The following FRMD4A variants were observed in gnomAD, a reference collection of about 807,000 sequenced individuals.
FRMD4A encodes FERM domain containing 4A, also known as FERM domain-containing protein 4A.
In FRMD4A, 29 loss-of-function variants were observed where a neutral mutation model predicts 129.1. That is an observed-to-expected ratio of 0.22 (90% CI 0.17 to 0.31). The LOEUF (loss-of-function observed/expected upper bound fraction) is 0.31. Ranked by LOEUF, FRMD4A falls within the 10% of genes least tolerant of loss-of-function variation. FRMD4A has a pLI of 1.00. For missense variants in FRMD4A, 1,272 were observed against 1,375.8 expected, an observed-to-expected ratio of 0.92 and a Z score of 1.19; for synonymous variants, 634 against 571.6, an observed-to-expected ratio of 1.11 and a Z score of -1.56.
chr10:14,035,929 C>A (rs938872075), intron 2 of FRMD4A, among the ~76,000 whole-genome samples: 1 of 151,820 alleles, frequency 6.6e-6, no homozygotes, highest in African/African-American at 2.4e-5. Context: ...GTAATCCCAG[C>A]TACTTGGGAG....
intron 2 of FRMD4A, among the ~76,000 whole-genome samples, chr10:13,887,344 A>G (rs749877434): frequency 1.3e-5 from 2 of 152,186 alleles, no homozygotes; most frequent in Non-Finnish European, 2.9e-5. Flanking sequence ...AAGATGAACA[A>G]TGTTTCTCTT....
chr10:13,701,555 A>G (rs2086832128), intron 13 of FRMD4A, 77 bp from the exon 14 acceptor site: 27 of 1,403,548 alleles, frequency 1.9e-5, no homozygotes, highest in Non-Finnish European at 2.7e-5. Context: ...GCTTCTGTAG[A>G]GAACCCACTG....
chr10:13,881,776 C>T (rs969607214), intron 2 of FRMD4A, among the ~76,000 whole-genome samples: 12 of 151,734 alleles, frequency 7.9e-5, no homozygotes, highest in South Asian at 2.1e-4. Flanking sequence ...GATCGAACTG[C>T]GACTGCCTTC....
At chr10:14,258,657 T>C (rs563952035) in intron 2 of FRMD4A, among the ~76,000 whole-genome samples, 3 of 152,292 alleles carry the variant, frequency 2.0e-5, no homozygotes, top group Admixed American at 1.3e-4. Context: ...ACCCAATCAT[T>C]TTATACCTAG....
intron 2 of FRMD4A, among the ~76,000 whole-genome samples, chr10:14,262,988 A>C (rs1844856005): frequency 6.6e-6 from 1 of 152,246 alleles, no homozygotes; most frequent in Non-Finnish European, 1.5e-5. Context: ...TCTGTCTGTC[A>C]GTGCAGGCGA....
At chr10:14,155,457 G>C (rs1007554060) in intron 2 of FRMD4A, among the ~76,000 whole-genome samples, 3 of 152,266 alleles carry the variant, frequency 2.0e-5, no homozygotes, top group Non-Finnish European at 2.9e-5. Context: ...TCAAAAGAAA[G>C]GAATTAAAAC....
At chr10:13,864,157 C>A (rs959672977) in intron 2 of FRMD4A, among the ~76,000 whole-genome samples, 1 of 151,290 alleles carries the variant, frequency 6.6e-6, no homozygotes, top group Non-Finnish European at 1.5e-5. Flanking sequence ...CAACACGCTC[C>A]TGTAATTTTT....
At chr10:13,674,185 G>A (rs7086054) in intron 16 of FRMD4A, among the ~76,000 whole-genome samples, 16,411 of 152,196 alleles carry the variant, frequency 0.11, 1,890 homozygotes, top group African/African-American at 0.29. Flanking sequence ...TGGTTTCCTT[G>A]TTGACCACCA....
chr10:13,896,845 C>T (rs2094764264), intron 2 of FRMD4A, among the ~76,000 whole-genome samples: 1 of 152,186 alleles, frequency 6.6e-6, no homozygotes, highest in African/African-American at 2.4e-5. Context: ...CCAGTCAAAA[C>T]TCCACAATGG....
At chr10:13,885,344 C>T (rs1365413999) in intron 2 of FRMD4A, among the ~76,000 whole-genome samples, 3 of 152,176 alleles carry the variant, frequency 2.0e-5, no homozygotes, top group Non-Finnish European at 4.4e-5. Context: ...GTAATTCACC[C>T]AAGGCCACAT....
chr10:14,084,613 G>C (rs1397048147), intron 2 of FRMD4A, among the ~76,000 whole-genome samples: 1 of 152,146 alleles, frequency 6.6e-6, no homozygotes, highest in East Asian at 1.9e-4. Context: ...GCACACTTTT[G>C]ATATGCAAAC....
intron 2 of FRMD4A, among the ~76,000 whole-genome samples, chr10:14,220,816 G>GTGTGTT (rs1564396437): frequency 3.4e-5 from 5 of 148,254 alleles, no homozygotes; most frequent in African/African-American, 1.2e-4. Flanking sequence ...GTGTGTTTGT[G>GTGTGTT]TGTGTGTGTG....
chr10:13,854,124 G>A (rs1008034277), intron 3 of FRMD4A, among the ~76,000 whole-genome samples: 1 of 152,000 alleles, frequency 6.6e-6, no homozygotes, highest in Non-Finnish European at 1.5e-5. Flanking sequence ...TCCTACTAAC[G>A]GCTTCCTGTA....
intron 6 of FRMD4A, among the ~76,000 whole-genome samples, chr10:13,778,773 C>T (rs1389883417): frequency 6.6e-6 from 1 of 152,106 alleles, no homozygotes; most frequent in African/African-American, 2.4e-5. Context: ...GAGCCTCCCT[C>T]CAGGGTGCAC....
intron 2 of FRMD4A, among the ~76,000 whole-genome samples, chr10:14,295,722 A>T (rs1347005219): frequency 6.6e-6 from 1 of 152,070 alleles, no homozygotes; most frequent in Non-Finnish European, 1.5e-5. Flanking sequence ...AGTTTGGGAG[A>T]GGGGGAGTTG....
chr10:14,327,977 A>G (rs1843346069), intron 2 of FRMD4A, among the ~76,000 whole-genome samples: 2 of 152,212 alleles, frequency 1.3e-5, no homozygotes, highest in Non-Finnish European at 2.9e-5. Flanking sequence ...CGGCTTGCTT[A>G]TAAATTTTAA....
intron 4 of FRMD4A, among the ~76,000 whole-genome samples, chr10:13,799,864 T>C (rs991301993): frequency 6.6e-6 from 1 of 152,106 alleles, no homozygotes; most frequent in Admixed American, 6.6e-5. Context: ...GGCATAATCT[T>C]GTACAATTAG....
intron 2 of FRMD4A, among the ~76,000 whole-genome samples, chr10:13,987,620 C>T (rs1229368068): frequency 6.6e-6 from 1 of 152,114 alleles, no homozygotes; most frequent in Non-Finnish European, 1.5e-5. Context: ...AACCTGCGGC[C>T]AACAGAGCAT....
intron 12 of FRMD4A, among the ~76,000 whole-genome samples, chr10:13,721,064 G>A (rs2089365719): frequency 6.6e-6 from 1 of 152,194 alleles, no homozygotes; most frequent in Non-Finnish European, 1.5e-5. Context: ...GGGTGCCTTG[G>A]GCTTTGGAGG....
Sources: gnomAD v4.1 joint callset for allele counts (sites outside exome capture counted in the v4.1 genomes callset) on GRCh38, gnomAD v4.1.1 for gene constraint, MANE v1.5 for transcripts, NCBI Gene and HGNC (gene_info 2026-07-23, HGNC 2026-07-21) for gene names.